Variants in FRY observed in about 807,000 individuals in gnomAD.
FRY encodes FRY microtubule binding protein.
FRY carries 128 observed loss-of-function variants against 348.4 expected under a neutral mutation model. The observed-to-expected ratio is 0.37, with a 90% CI of 0.32 to 0.43. FRY has a LOEUF of 0.43. Among genes scored for constraint, FRY ranks in the 20% least tolerant of loss-of-function variants. The pLI is 1.00. For synonymous variants in FRY, 1,370 were observed against 1,374.7 expected, an observed-to-expected ratio of 1.00 and a Z score of 0.08; for missense variants, 2,736 against 3,695.2, an observed-to-expected ratio of 0.74 and a Z score of 6.73.
At chr13:32,138,853 A>C (rs898796267) in intron 11 of FRY, among the ~76,000 whole-genome samples, 1 of 152,206 alleles carries the variant, frequency 6.6e-6, no homozygotes, top group Non-Finnish European at 1.5e-5. Context: ...AGGATATGTA[A>C]TGAAGTTTCA....
intron 48 of FRY, among the ~76,000 whole-genome samples, chr13:32,249,151 A>G (rs1423363035): frequency 1.3e-5 from 2 of 152,256 alleles, no homozygotes; most frequent in Admixed American, 1.3e-4. Flanking sequence ...AAGATTAATG[A>G]TTAAAAGTTG....
intron 23 of FRY, among the ~76,000 whole-genome samples, chr13:32,181,904 T>C (rs903468544): frequency 1.2e-4 from 19 of 152,216 alleles, no homozygotes; most frequent in Non-Finnish European, 1.9e-4. Flanking sequence ...ATTCACAATG[T>C]AAATATTTGT....
intron 11 of FRY, among the ~76,000 whole-genome samples, chr13:32,140,057 A>G (rs1879961826): frequency 6.6e-6 from 1 of 151,652 alleles, no homozygotes; most frequent in South Asian, 2.1e-4. Context: ...AAAAATGAAT[A>G]TAATATACCA....
chr13:32,063,657 A>G (rs932393890), intron 1 of FRY, among the ~76,000 whole-genome samples: 1 of 152,136 alleles, frequency 6.6e-6, no homozygotes, highest in Non-Finnish European at 1.5e-5. Context: ...GCACCCACTA[A>G]ATTATTTTCA....
intron 35 of FRY, among the ~76,000 whole-genome samples, chr13:32,216,901 G>A (rs979091089): frequency 6.6e-5 from 10 of 152,214 alleles, no homozygotes; most frequent in Non-Finnish European, 4.4e-5. Flanking sequence ...TAGCTGTCAG[G>A]ATGGGGGAAA....
chr13:32,113,302 C>T (rs1429731139), intron 3 of FRY, among the ~76,000 whole-genome samples: 1 of 152,078 alleles, frequency 6.6e-6, no homozygotes, highest in Non-Finnish European at 1.5e-5. Context: ...AGAAGCCAGT[C>T]TTATTACTAT....
Position 32,217,717 on chromosome 13 carries a change from T to G in FRY, c.4683-1032T>G, listed in dbSNP as rs188660504. Among the ~76,000 whole-genome samples, 9 of 152,332 alleles carry G rather than the reference T, an allele frequency of 5.9e-5. No individual in the cohort carries two copies. The East Asian group carries it at 1.5e-3, about 26-fold the overall frequency. ...GTCAACACTAGACAAGGTGTATAAC[T>G]TCGCCTCCCCTCAGTTTCCTCATTG... On this transcript the variant is annotated intron_variant, in intron 35 of 60. Transcript: ENST00000542859.
chr13:32,175,648 A>G lies in FRY; in HGVS notation c.2421+16A>G. On this transcript the variant is annotated intron_variant, in intron 20 of 60. Coordinates refer to ENST00000542859, the MANE Select transcript of FRY (RefSeq NM_023037.3). ...TTCGGATTCAGTAAGTACACATTTG[A>G]TTCCAATTAATGGCTCTTAAAAGCT... 7.5e-7 allele frequency: 1 copy of G among 1,336,254 alleles called. No homozygotes were observed. The highest frequency in any genetic ancestry group is 1.1e-6 in the Non-Finnish European group (1 of 926,320). 82.8% of individuals were successfully genotyped at this position (1,336,254 alleles called of 1,614,324 possible). A position where few individuals can be genotyped will look rare whatever the true frequency, so the allele number is the denominator to read the frequency against.
chr13:32,289,105 T>C (rs1889212402), intron 58 of FRY, among the ~76,000 whole-genome samples: 1 of 152,172 alleles, frequency 6.6e-6, no homozygotes, highest in African/African-American at 2.4e-5. Flanking sequence ...GCATTTTTGG[T>C]CCCTTTTTAT....
At chr13:32,044,413 G>T (rs1198896775) in intron 1 of FRY, among the ~76,000 whole-genome samples, 2 of 152,214 alleles carry the variant, frequency 1.3e-5, no homozygotes, top group Non-Finnish European at 2.9e-5. Context: ...ATGAAGGACT[G>T]CCATGTTTCA....
At chr13:32,293,914 T>C (rs1360203497) in intron 59 of FRY, among the ~76,000 whole-genome samples, 1 of 152,220 alleles carries the variant, frequency 6.6e-6, no homozygotes, top group Admixed American at 6.5e-5. Context: ...TTCCACTTAA[T>C]CTTTAAAATA....
Position 32,239,219 on chromosome 13 carries a change from T to C in FRY, c.6419-33T>C. The C allele has an allele frequency of 8.0e-7, 1 of 1,256,324 alleles. No individual in the cohort carries two copies. Among genetic ancestry groups the C allele is most frequent in the Non-Finnish European group, 1.2e-6 (1 of 854,230 alleles). The allele number at this position is 1,256,324 out of a possible 1,614,324, so 77.8% of individuals were successfully genotyped here. A position where few individuals can be genotyped will look rare whatever the true frequency, so the allele number is the denominator to read the frequency against. On this transcript the variant is annotated intron_variant, in intron 44 of 60. Coordinates refer to ENST00000542859, the MANE Select transcript of FRY (RefSeq NM_023037.3). The surrounding 1 kb of genome is among the most constrained non-coding windows in gnomAD (Gnocchi z 4.3). ...TGTTAACAGCTAAAATATACCATAT[T>C]CAGCTATCTCCATTGTATCTTCTCT...
Position 32,147,311 on chromosome 13 carries a change from A to C in FRY, c.1209A>C (p.Ala403=), listed in dbSNP as rs779749927. The change falls in exon 12 of 61, where the codon GCA becomes GCC. Residue 403 remains alanine (A), a synonymous_variant. Coordinates refer to ENST00000542859, the MANE Select transcript of FRY (RefSeq NM_023037.3). ...KNKDPKMARV[A]LESLYRLLWV... ...AAGATCCCAAGATGGCTCGAGTTGC[A>C]CTGGAATCTCTCTACAGATTACTTT... 1.2e-5 allele frequency: 19 copies of C among 1,611,030 alleles called. No individual in the cohort carries two copies. In the South Asian group the frequency reaches 1.6e-4, roughly 14 times the overall value.
chr13:32,073,135 G>T (rs1328159855), intron 1 of FRY, among the ~76,000 whole-genome samples: 1 of 152,232 alleles, frequency 6.6e-6, no homozygotes. Context: ...GTCTGTCTTT[G>T]CAAGTTGGTG....
At chr13:32,109,459 G>T (rs745737315) in intron 3 of FRY, among the ~76,000 whole-genome samples, 3 of 152,186 alleles carry the variant, frequency 2.0e-5, no homozygotes, top group Non-Finnish European at 4.4e-5. Flanking sequence ...AGGTACACAA[G>T]TGTGTGCTAC....
intron 23 of FRY, 31 bp downstream of exon 23, chr13:32,179,830 T>G (rs761523486): frequency 6.2e-7 from 1 of 1,601,612 alleles, no homozygotes. Context: ...TGTTCTAAAT[T>G]CATACATGCT....
intron 33 of FRY, 57 bp from the exon 34 acceptor site, chr13:32,210,809 G>C (rs900798205): frequency 1.3e-5 from 19 of 1,424,146 alleles, no homozygotes; most frequent in Non-Finnish European, 1.9e-5. Context: ...TACTGGCCTA[G>C]TGTTCCTGTG....
At chr13:32,045,901 A>G (rs1238256071) in intron 1 of FRY, among the ~76,000 whole-genome samples, 1 of 152,216 alleles carries the variant, frequency 6.6e-6, no homozygotes, top group Admixed American at 6.5e-5. Flanking sequence ...GGCTTGCTGA[A>G]AGTTAAGACC....
intron 2 of FRY, among the ~76,000 whole-genome samples, chr13:32,079,336 A>AAATTGTGTTC (rs975623429): frequency 2.0e-5 from 3 of 152,154 alleles, no homozygotes; most frequent in Non-Finnish European, 4.4e-5. Context: ...AATCACAGAA[A>AAATTGTGTTC]AATTGTGTTC....
Sources: gnomAD v4.1 joint callset for allele counts (sites outside exome capture counted in the v4.1 genomes callset) on GRCh38, gnomAD v4.1.1 for gene constraint, Gnocchi (gnomAD v3.1) non-coding constraint, MANE v1.5 for transcripts, NCBI Gene and HGNC (gene_info 2026-07-23, HGNC 2026-07-21) for gene names.